The following NUP188 variants were observed in gnomAD, a reference collection of about 807,000 sequenced individuals.
The protein encoded by NUP188 is nucleoporin NUP188.
Under a neutral mutation model 223.0 loss-of-function variants are expected in NUP188, and 97 were observed. That is an observed-to-expected ratio of 0.43 (90% CI 0.37 to 0.51). NUP188 has a LOEUF of 0.51. NUP188 is among the 20% of genes least tolerant of loss of function. NUP188 has a pLI of 0.00. For missense variants in NUP188, 1,947 were observed against 2,175.6 expected (o/e 0.89, Z 2.09); for synonymous variants, 869 against 828.0 (o/e 1.05, Z -0.85).
At chr9:128,954,355 C>T (rs542172435) in intron 3 of NUP188, among the ~76,000 whole-genome samples, 24 of 146,454 alleles carry the variant, frequency 1.6e-4, no homozygotes, top group Non-Finnish European at 3.1e-4. Flanking sequence ...GCTGGGACTA[C>T]AGGCGCCCGC....
chr9:128,971,408 CTTGTTTGT>C (rs367882897), intron 11 of NUP188, among the ~76,000 whole-genome samples: 8 of 151,954 alleles, frequency 5.3e-5, no homozygotes, highest in South Asian at 2.1e-4. Flanking sequence ...GTTTAGAGAG[CTTGTTTGT>C]TTGTTTGTTT....
Position 128,986,567 on chromosome 9 carries a change from G to T in NUP188, c.2086G>T (p.Gly696Cys). 6.2e-7 allele frequency: 1 copy of T among 1,613,754 alleles called. No homozygotes were observed. Among genetic ancestry groups the T allele is most frequent in the South Asian group, 1.1e-5 (1 of 90,984 alleles). Residue 696 changes from glycine (G) to cysteine (C), a missense_variant, in exon 21 of 44, where the codon GGT becomes TGT. Physicochemically the swap from Gly to Cys is radical, Grantham distance 159. Around this residue, in one of 3 missense-constraint regions of NUP188, gnomAD observed 817 missense variants for 865.8 expected, o/e 0.94. Transcript: ENST00000372577. The stretch of plus-strand genomic sequence containing the variant: ...GCATGGTTTCTTGTAGGGGCAACTT[G>T]GTAGTACCCAGAGCCAAGGACTTGT... ...LITTLVKGQL[G>C]STQSQGLVPC... is the part of the protein sequence containing the mutation.
Position 128,995,429 on chromosome 9 carries a change from C to T in NUP188, c.3266C>T (p.Thr1089Ile). 1 of 1,613,940 alleles carries T rather than the reference C, an allele frequency of 6.2e-7. No individual in the cohort carries two copies. The highest frequency in any genetic ancestry group is 8.5e-7 in the Non-Finnish European group (1 of 1,179,924). Residue 1089 changes from threonine (T) to isoleucine (I), a missense_variant, in exon 30 of 44, where the codon ACA becomes ATA. Thr to Ile is a moderately conservative substitution (Grantham distance 89, BLOSUM62 -1). This residue lies in a region of NUP188 where 905 missense variants were observed against 990.6 expected (regional missense o/e 0.91). Coordinates refer to ENST00000372577, the MANE Select transcript of NUP188 (RefSeq NM_015354.3). ...TCATTGGCAGTTCACGTGGCCGAAA[C>T]AGAAGGCAGCAGCTGCACCTCCTTG... The part of the protein sequence containing the change: ...VKSLAVHVAE[T>I]EGSSCTSLLE...
intron 2 of NUP188, among the ~76,000 whole-genome samples, chr9:128,951,508 C>T (rs1841785616): frequency 6.6e-6 from 1 of 151,958 alleles, no homozygotes; most frequent in South Asian, 2.1e-4. Context: ...TTCACCACAA[C>T]ATCATTTATA....
chr9:128,968,654 G>T lies in NUP188; in HGVS notation c.734G>T (p.Gly245Val). ...LTKMFKEQGF[G>V]SRQTNRHLVD... ...AAGATGTTTAAAGAGCAAGGATTTG[G>T]TAGTAGGCAGACCAATAGGCACCTG... is the stretch of plus-strand genomic sequence containing the variant. The change falls in exon 9 of 44, where the codon GGT becomes GTT. Residue 245 changes from glycine to valine, a missense_variant. Physicochemically the swap from Gly to Val is moderately radical, Grantham distance 109. Coordinates refer to ENST00000372577, the MANE Select transcript of NUP188 (RefSeq NM_015354.3). 6.2e-7 allele frequency: 1 copy of T among 1,614,138 alleles called. No individual in the cohort carries two copies. The highest frequency in any genetic ancestry group is 1.7e-5 in the Admixed American group (1 of 60,020).
chr9:128,947,707 C>G lies in NUP188; in HGVS notation c.-13C>G, dbSNP rs3750324. ...CGTCTGGGGGCGGGGTTAGGGCGAG[C>G]GGGCGCGCGAAGATGGCGGCGGCCG... On this transcript the variant is annotated 5_prime_UTR_variant, in exon 1 of 44. Transcript: ENST00000372577. The G allele has an allele frequency of 9.6e-6, 14 of 1,465,374 alleles. No homozygotes were observed. The East Asian group carries it at 3.2e-4, about 33-fold the overall frequency. 90.8% of individuals were successfully genotyped at this position (1,465,374 alleles called of 1,614,324 possible).
chr9:128,953,629 G>A (rs1841826641), intron 3 of NUP188, among the ~76,000 whole-genome samples: 1 of 152,020 alleles, frequency 6.6e-6, no homozygotes, highest in South Asian at 2.1e-4. Flanking sequence ...TATTTTATCT[G>A]CAAATACTTG....
intron 19 of NUP188, among the ~76,000 whole-genome samples, chr9:128,983,884 G>C (rs1035673111): frequency 3.3e-5 from 5 of 151,886 alleles, no homozygotes; most frequent in Non-Finnish European, 5.9e-5. Context: ...GCAGTGGCAC[G>C]ATCTAAGCTC....
At chr9:128,996,600 T>A (rs1327838173) in intron 30 of NUP188, among the ~76,000 whole-genome samples, 1 of 152,182 alleles carries the variant, frequency 6.6e-6, no homozygotes, top group Non-Finnish European at 1.5e-5. Context: ...TTGTGGCTAC[T>A]CTTGCTGTGG....
intron 30 of NUP188, among the ~76,000 whole-genome samples, chr9:128,996,860 A>C (rs764961443): frequency 6.6e-6 from 1 of 152,230 alleles, no homozygotes; most frequent in Non-Finnish European, 1.5e-5. Flanking sequence ...ACCTAAGTCC[A>C]GGATGTTGGT....
At chr9:128,987,221 A>G (rs941484836) in intron 22 of NUP188, among the ~76,000 whole-genome samples, 4 of 151,886 alleles carry the variant, frequency 2.6e-5, no homozygotes, top group African/African-American at 7.3e-5. Flanking sequence ...ATATATCTGC[A>G]TCCCAGGGCC....
At chr9:128,950,571 T>C (rs1031094577) in intron 2 of NUP188, among the ~76,000 whole-genome samples, 3 of 152,192 alleles carry the variant, frequency 2.0e-5, no homozygotes, top group Admixed American at 1.3e-4. Context: ...TCAGATGCAG[T>C]GGCTCATGCC....
intron 10 of NUP188, 135 bp downstream of exon 10, chr9:128,969,649 C>T (rs189539971): frequency 6.5e-4 from 349 of 536,272 alleles, no homozygotes; most frequent in Middle Eastern, 1.0e-3. Flanking sequence ...ACAATGTTTT[C>T]GTTTTGTTTT....
chr9:129,002,073 T>A lies in NUP188; in HGVS notation c.4137+97T>A. 5.2e-6 allele frequency: 5 copies of A among 965,934 alleles called. No individual in the cohort carries two copies. In the Admixed American group the frequency reaches 9.5e-5, roughly 18 times the overall value. 59.8% of individuals were successfully genotyped at this position (965,934 alleles called of 1,614,324 possible). ...TACCTTTCCCCGGAAGTTGCTTTCC[T>A]CTAAATTGCCTAATACACTGATGGT... On this transcript the variant is annotated intron_variant, in intron 36 of 43. Transcript: ENST00000372577.
chr9:128,954,680 G>A (rs143973070), intron 3 of NUP188, among the ~76,000 whole-genome samples: 6 of 152,060 alleles, frequency 3.9e-5, no homozygotes, highest in East Asian at 1.9e-4. Flanking sequence ...CACCGCGGCC[G>A]GTGACAATGT....
In NUP188 at chr9:128,972,465, CAG is replaced by C. The variant is rs541523977; in HGVS notation, c.1114-692_1114-691del. Among the ~76,000 whole-genome samples, 8 of 139,680 alleles carry C rather than the reference CAG, an allele frequency of 5.7e-5. No homozygotes were observed. In the East Asian group the frequency reaches 1.5e-3, roughly 26 times the overall value. 91.6% of individuals were successfully genotyped at this position (139,680 alleles called of 152,430 possible). ...CAGGAGGTCTGAATTAGGTAGAACA[CAG>C]AGGATTTCACAGAGGATTTTTAGGG... On this transcript the variant is annotated intron_variant, in intron 11 of 43. Coordinates refer to ENST00000372577, the MANE Select transcript of NUP188 (RefSeq NM_015354.3).
chr9:129,003,250 G>T (rs529463405), intron 37 of NUP188, 67 bp from the exon 38 acceptor site: 2 of 1,546,310 alleles, frequency 1.3e-6, no homozygotes, highest in South Asian at 2.4e-5. Context: ...TCCACAGGAG[G>T]GTAGGTGTGG....
intron 42 of NUP188, 41 bp from the exon 43 acceptor site, chr9:129,006,198 G>A: frequency 6.2e-7 from 1 of 1,614,112 alleles, no homozygotes; most frequent in Non-Finnish European, 8.5e-7. Context: ...TGGCCAGCCT[G>A]GCCCTCTGCA....
intron 2 of NUP188, 121 bp downstream of exon 2, chr9:128,949,364 C>T: frequency 1.5e-6 from 1 of 683,800 alleles, no homozygotes; most frequent in African/African-American, 1.8e-5. Context: ...CAGAGTTTCG[C>T]TCTTGTTTCC....
Sources: gnomAD v4.1 joint callset for allele counts (sites outside exome capture counted in the v4.1 genomes callset) on GRCh38, gnomAD v4.1.1 for gene constraint, gnomAD v4.1.1 regional missense constraint, MANE v1.5 for transcripts, NCBI Gene and HGNC (gene_info 2026-07-23, HGNC 2026-07-21) for gene names.